RFX7: variants seen among roughly 807,000 people sequenced by gnomAD.
The protein encoded by RFX7 is regulatory factor X7.
RFX7 carries 26 observed loss-of-function variants against 111.8 expected under a neutral mutation model. The observed-to-expected ratio is 0.23, with a 90% CI of 0.17 to 0.32. RFX7 has a LOEUF of 0.32. Among genes scored for constraint, RFX7 ranks in the 10% least tolerant of loss-of-function variants. RFX7 has a pLI of 1.00. For missense variants in RFX7, 1,573 were observed against 1,772.9 expected (o/e 0.89, Z 2.02); for synonymous variants, 624 against 624.4 (o/e 1.00, Z 0.01).
chr15:56,162,771 A>G (rs184711743), intron 3 of RFX7, among the ~76,000 whole-genome samples: 35 of 152,260 alleles, frequency 2.3e-4, no homozygotes, highest in African/African-American at 7.9e-4. Flanking sequence ...CCTTATATAA[A>G]TTATTTCTTT....
chr15:56,230,530 A>G (rs1165361309), intron 2 of RFX7, among the ~76,000 whole-genome samples: 1 of 152,248 alleles, frequency 6.6e-6, no homozygotes, highest in South Asian at 2.1e-4. Context: ...CAATATGTAG[A>G]AAAAAATAAA....
chr15:56,217,008 T>C (rs1239656739), intron 2 of RFX7, among the ~76,000 whole-genome samples: 1 of 152,092 alleles, frequency 6.6e-6, no homozygotes, highest in Non-Finnish European at 1.5e-5. Context: ...GCAGGTATTT[T>C]CCAACAATTT....
intron 5 of RFX7, among the ~76,000 whole-genome samples, chr15:56,133,057 G>A (rs976545428): frequency 5.3e-5 from 8 of 152,028 alleles, no homozygotes; most frequent in African/African-American, 1.9e-4. Flanking sequence ...GAGATTACAG[G>A]TGCTAAATTT....
rs767961577 is a variant in RFX7, at chr15:56,098,229, A to G, written c.959T>C (p.Leu320Pro). 3.7e-6 allele frequency: 6 copies of G among 1,613,934 alleles called. No homozygotes were observed. The South Asian group carries it at 4.4e-5, about 12-fold the overall frequency. Reference sequence around the variant, plus strand: ...AGATTCTCCTGGCAAAGGGGATTGTAGTTTCTGTTCTTGCTGCTTCTTCTG... The same window carrying G: ...AGATTCTCCTGGCAAAGGGGATTGTGGTTTCTGTTCTTGCTGCTTCTTCTG... ...KIQKKQQEQK[L>P]QSPLPGESAA... Residue 320 changes from leucine (L) to proline (P), a missense_variant, in exon 9 of 10, where the codon CTA becomes CCA. Leu to Pro is a moderately conservative substitution (Grantham distance 98). Transcript: ENST00000559447.
intron 2 of RFX7, among the ~76,000 whole-genome samples, chr15:56,201,421 A>G (rs1309534214): frequency 2.0e-5 from 3 of 152,234 alleles, no homozygotes; most frequent in Non-Finnish European, 4.4e-5. Context: ...AAGAAAATCC[A>G]GCCTAAAAGC....
rs770934605 is a variant in RFX7, at chr15:56,107,064, G to A, written c.402-3394C>T. On this transcript the variant is annotated intron_variant, in intron 5 of 9. Coordinates refer to ENST00000559447, the MANE Select transcript of RFX7 (RefSeq NM_022841.7). ...CGTAATCCCATCACTTTGGGAGGCCGAGGCAGGCAGATCACAAGGTCAGGA... is the reference window on the plus strand; with the variant it reads ...CGTAATCCCATCACTTTGGGAGGCCAAGGCAGGCAGATCACAAGGTCAGGA... 3.9e-5 allele frequency among the ~76,000 whole-genome samples: 6 copies of A among 152,072 alleles called. No individual in the cohort carries two copies. The East Asian group carries it at 5.8e-4, about 15-fold the overall frequency.
At chr15:56,240,170 C>T (rs544918066) in intron 2 of RFX7, among the ~76,000 whole-genome samples, 3 of 151,112 alleles carry the variant, frequency 2.0e-5, no homozygotes, top group African/African-American at 7.3e-5. Context: ...ATACAAATAA[C>T]CTTACAGCAT....
intron 3 of RFX7, among the ~76,000 whole-genome samples, chr15:56,166,732 A>G (rs1341313850): frequency 3.9e-5 from 6 of 152,148 alleles, no homozygotes; most frequent in African/African-American, 1.4e-4. Flanking sequence ...AATTGATTTC[A>G]TAAACATACT....
chr15:56,111,278 A>C (rs1373386982), intron 5 of RFX7, among the ~76,000 whole-genome samples: 2 of 151,118 alleles, frequency 1.3e-5, no homozygotes, highest in African/African-American at 4.9e-5. Context: ...TAGACATGGG[A>C]GACTTTTCAT....
chr15:56,202,968 T>C (rs2043208610), intron 2 of RFX7, among the ~76,000 whole-genome samples: 1 of 152,196 alleles, frequency 6.6e-6, no homozygotes, highest in African/African-American at 2.4e-5. Flanking sequence ...TGCAGATTAA[T>C]TCCTTTCTAG....
At chr15:56,237,622 C>T (rs567462820) in intron 2 of RFX7, among the ~76,000 whole-genome samples, 1 of 152,278 alleles carries the variant, frequency 6.6e-6, no homozygotes, top group South Asian at 2.1e-4. Flanking sequence ...TACAGTTAGA[C>T]ATAAACCAAA....
chr15:56,226,666 C>T (rs557521592), intron 2 of RFX7, among the ~76,000 whole-genome samples: 3 of 152,142 alleles, frequency 2.0e-5, no homozygotes, highest in African/African-American at 7.2e-5. Context: ...GAAAGTAATA[C>T]AGAGAGAAAA....
At chr15:56,135,479 A>G (rs1315356411) in intron 5 of RFX7, among the ~76,000 whole-genome samples, 3 of 151,636 alleles carry the variant, frequency 2.0e-5, no homozygotes, top group Non-Finnish European at 2.9e-5. Context: ...TTTTTCTTGT[A>G]AATTTGTTTG....
chr15:56,160,282 G>A (rs2042704891), intron 3 of RFX7, among the ~76,000 whole-genome samples: 2 of 151,616 alleles, frequency 1.3e-5, no homozygotes, highest in South Asian at 2.1e-4. Flanking sequence ...GGTGGAAGAT[G>A]ATCAATCAGG....
chr15:56,130,324 A>G (rs190223427), intron 5 of RFX7, among the ~76,000 whole-genome samples: 7 of 152,200 alleles, frequency 4.6e-5, no homozygotes, highest in Non-Finnish European at 7.4e-5. Flanking sequence ...TAAAAATATC[A>G]GAAACTAAGC....
intron 3 of RFX7, among the ~76,000 whole-genome samples, chr15:56,164,663 G>A (rs1358528390): frequency 1.3e-5 from 2 of 152,058 alleles, no homozygotes; most frequent in East Asian, 3.9e-4. Context: ...TTTTAACTAT[G>A]CTAAAATTGG....
At chr15:56,105,323 G>C (rs2041815520) in intron 5 of RFX7, among the ~76,000 whole-genome samples, 1 of 152,010 alleles carries the variant, frequency 6.6e-6, no homozygotes, top group Admixed American at 6.6e-5. Flanking sequence ...TAATTTATTT[G>C]TCTTCTTCAT....
At chr15:56,108,799 T>C (rs1433385175) in intron 5 of RFX7, among the ~76,000 whole-genome samples, 3 of 152,156 alleles carry the variant, frequency 2.0e-5, no homozygotes, top group Non-Finnish European at 4.4e-5. Context: ...TAGAAAACCC[T>C]ATTGTCTCAG....
At chr15:56,197,859 C>T (rs12439682) in intron 2 of RFX7, among the ~76,000 whole-genome samples, 30,680 of 152,034 alleles carry the variant, frequency 0.2, 3,507 homozygotes, top group East Asian at 0.44. Flanking sequence ...GGTAAATATA[C>T]CACTTAAGTG....
Sources: allele counts gnomAD v4.1 joint callset (sites outside exome capture counted in the v4.1 genomes callset), GRCh38; gene constraint gnomAD v4.1.1; transcripts MANE v1.5; gene names NCBI Gene and HGNC (gene_info 2026-07-23, HGNC 2026-07-21).